The following SYT16 variants were observed in gnomAD, a reference collection of about 807,000 sequenced individuals.
SYT16 encodes synaptotagmin 16, also known as synaptotagmin-16.
In SYT16, 42 loss-of-function variants were observed where a neutral mutation model predicts 61.4. That is an observed-to-expected ratio of 0.68 (90% CI 0.53 to 0.89). SYT16 has a LOEUF of 0.89. Among genes scored for constraint, SYT16 ranks in the 40% least tolerant of loss-of-function variants. The probability of loss-of-function intolerance (pLI) is 0.00; values close to 1 mark genes in which losing one functional copy is unlikely to be tolerated. For synonymous variants in SYT16, 314 were observed against 302.3 expected, an observed-to-expected ratio of 1.04 and a Z score of -0.40; for missense variants, 804 against 807.3, an observed-to-expected ratio of 1.00 and a Z score of 0.05.
chr14:62,030,324 T>C (rs4098844), intron 3 of SYT16, among the ~76,000 whole-genome samples: 63,546 of 152,026 alleles, frequency 0.42, 13,646 homozygotes, highest in East Asian at 0.67. Flanking sequence ...AAAATTAGTT[T>C]TGAAAGTGTT....
intron 1 of SYT16, among the ~76,000 whole-genome samples, chr14:61,934,276 A>G (rs373448427): frequency 7.9e-5 from 12 of 152,092 alleles, no homozygotes; most frequent in Non-Finnish European, 1.2e-4. Flanking sequence ...CTCTGCTTAC[A>G]TTTTTTTGTA....
chr14:62,078,172 A>AAACACACACACACACAC (rs1555382591), intron 5 of SYT16, among the ~76,000 whole-genome samples: 7 of 128,852 alleles, frequency 5.4e-5, no homozygotes, highest in South Asian at 4.9e-4. Context: ...TATATATATA[A>AAACACACACACACACAC]ACACACACAC....
At chr14:61,922,115 G>A (rs1455206301) in intron 1 of SYT16, among the ~76,000 whole-genome samples, 2 of 152,172 alleles carry the variant, frequency 1.3e-5, no homozygotes, top group African/African-American at 4.8e-5. Context: ...TGCTTTATAA[G>A]CAGCGTGGTG....
intron 1 of SYT16, among the ~76,000 whole-genome samples, chr14:61,960,078 C>T (rs954369428): frequency 1.3e-5 from 2 of 152,174 alleles, no homozygotes; most frequent in African/African-American, 2.4e-5. Context: ...GTGATCTGCC[C>T]ACTTCAGCTT....
chr14:62,063,985 G>T (rs2055943735), intron 3 of SYT16, among the ~76,000 whole-genome samples: 1 of 152,164 alleles, frequency 6.6e-6, no homozygotes, highest in Non-Finnish European at 1.5e-5. Flanking sequence ...TGAGTGAAAT[G>T]AACAGTCTTT....
chr14:61,819,685 G>T (rs56018861), intron 1 of SYT16, among the ~76,000 whole-genome samples: 21,040 of 152,126 alleles, frequency 0.14, 1,568 homozygotes, highest in African/African-American at 0.19. Flanking sequence ...CAATTACAAG[G>T]AGGTTTTCAA....
chr14:61,983,685 C>T (rs1281775305), intron 2 of SYT16, among the ~76,000 whole-genome samples: 1 of 151,988 alleles, frequency 6.6e-6, no homozygotes, highest in Non-Finnish European at 1.5e-5. Flanking sequence ...GCTACCACAC[C>T]AAGTTAATTT....
chr14:61,892,210 C>CGTCTCTCT (rs1346128472), intron 1 of SYT16, among the ~76,000 whole-genome samples: 4 of 152,036 alleles, frequency 2.6e-5, no homozygotes, highest in African/African-American at 9.7e-5. Context: ...CCTGACCCTC[C>CGTCTCTCT]GTCTCTCTGA....
At chr14:62,087,193 G>A (rs757234154) in intron 7 of SYT16, among the ~76,000 whole-genome samples, 6 of 152,250 alleles carry the variant, frequency 3.9e-5, no homozygotes, top group Non-Finnish European at 5.9e-5. Context: ...GGGGACACGA[G>A]TTTTATGAGG....
chr14:61,980,646 C>A (rs1032795408), intron 2 of SYT16, among the ~76,000 whole-genome samples: 5 of 152,006 alleles, frequency 3.3e-5, no homozygotes, highest in Non-Finnish European at 7.4e-5. Flanking sequence ...GTGCTAAGTG[C>A]TGGAAATAAA....
intron 1 of SYT16, among the ~76,000 whole-genome samples, chr14:61,836,157 AC>A (rs1358600113): frequency 1.3e-5 from 2 of 152,188 alleles, no homozygotes; most frequent in African/African-American, 4.8e-5. Context: ...TCTTTGTATA[AC>A]CCAGAGGTCA....
intron 1 of SYT16, among the ~76,000 whole-genome samples, chr14:61,939,510 C>A (rs2050125321): frequency 6.6e-6 from 1 of 152,194 alleles, no homozygotes; most frequent in African/African-American, 2.4e-5. Context: ...CATTCTGAGG[C>A]TTCTTTGCTT....
intron 3 of SYT16, among the ~76,000 whole-genome samples, chr14:62,030,511 C>T (rs2054274001): frequency 6.6e-6 from 1 of 152,210 alleles, no homozygotes; most frequent in African/African-American, 2.4e-5. Flanking sequence ...CATAGAACTA[C>T]ACCAGTCCAA....
rs2048415617 is a variant in SYT16 at position 61,898,822 on chromosome 14, G to A, written c.-324-71310G>A. Among the ~76,000 whole-genome samples, 3 of 152,326 alleles carry A rather than the reference G, an allele frequency of 2.0e-5. No homozygotes were observed. In the South Asian group the frequency reaches 6.2e-4, roughly 32 times the overall value. ...GTTGTCTGCACCAGGGACTGAATGAGATAAGTTGTGTCCCCGTCCAGCACA... is the reference window on the plus strand; with the variant it reads ...GTTGTCTGCACCAGGGACTGAATGAAATAAGTTGTGTCCCCGTCCAGCACA... On this transcript the variant is annotated intron_variant, in intron 1 of 7. Transcript: ENST00000683842.
intron 1 of SYT16, among the ~76,000 whole-genome samples, chr14:61,819,697 T>C (rs2045554932): frequency 6.6e-6 from 1 of 152,206 alleles, no homozygotes; most frequent in African/African-American, 2.4e-5. Flanking sequence ...GGTTTTCAAT[T>C]GGCTTAGCTC....
chr14:61,826,635 G>A lies in SYT16; in HGVS notation c.-325+13825G>A, dbSNP rs376852408. ...TGGTACAGAACCTCATTCTTGCCAC[G>A]AGGGATGCGAGGTTTCCAAACCCAC... On this transcript the variant is annotated intron_variant, in intron 1 of 7. Transcript: ENST00000683842. Among the ~76,000 whole-genome samples the A allele has an allele frequency of 9.2e-5, 14 of 151,900 alleles. No individual in the cohort carries two copies. The East Asian group carries it at 9.6e-4, about 10-fold the overall frequency.
chr14:61,915,130 T>C (rs1462808687), intron 1 of SYT16, among the ~76,000 whole-genome samples: 1 of 152,166 alleles, frequency 6.6e-6, no homozygotes, highest in African/African-American at 2.4e-5. Context: ...TTCTGTCATG[T>C]TCTGAATTTC....
chr14:62,071,830 A>G (rs953038235), intron 4 of SYT16, among the ~76,000 whole-genome samples: 2 of 152,206 alleles, frequency 1.3e-5, no homozygotes, highest in East Asian at 1.9e-4. Context: ...TGGACAGTGA[A>G]ATTAAAGGGC....
chr14:61,944,464 C>T lies in SYT16; in HGVS notation c.-324-25668C>T, dbSNP rs150836271. On this transcript the variant is annotated intron_variant, in intron 1 of 7. Coordinates refer to ENST00000683842, the MANE Select transcript of SYT16 (RefSeq NM_001367656.1). ...AAAAAGAACAAAGCTGGAGGCATCA[C>T]GCTACCTGACTTCTAACTATACTAC... Among the ~76,000 whole-genome samples the T allele has an allele frequency of 2.1e-3, 318 of 152,248 alleles. 1 individual carries two copies. Among genetic ancestry groups the T allele is most frequent in the Admixed American group, 6.5e-3 (100 of 15,294 alleles).
Sources: allele counts gnomAD v4.1 joint callset (sites outside exome capture counted in the v4.1 genomes callset), GRCh38; gene constraint gnomAD v4.1.1; transcripts MANE v1.5; gene names NCBI Gene and HGNC (gene_info 2026-07-23, HGNC 2026-07-21).